PCDHA2: variants seen among roughly 807,000 people sequenced by gnomAD.
PCDHA2 encodes the protein protocadherin alpha 2, also known as protocadherin alpha-2.
A neutral mutation model predicts 66.0 loss-of-function variants in PCDHA2; 58 were observed. That is an observed-to-expected ratio of 0.88 (90% CI 0.71 to 1.09). The LOEUF is 1.09. PCDHA2 is among the 50% of genes least tolerant of loss of function. PCDHA2 has a pLI of 0.00. For synonymous variants in PCDHA2, 634 were observed against 554.0 expected (o/e 1.14, Z -2.03); for missense variants, 1,267 against 1,242.3 (o/e 1.02, Z -0.30).
intron 3 of PCDHA2, among the ~76,000 whole-genome samples, chr5:140,987,901 T>C (rs1554249667): frequency 6.6e-6 from 1 of 152,180 alleles, no homozygotes. Context: ...TAGTTTTATA[T>C]GGGGATTTAT....
chr5:140,859,624 G>A (rs11749013), intron 1 of PCDHA2: 1 of 160,568 alleles, frequency 6.2e-6, no homozygotes, highest in Non-Finnish European at 1.4e-5. Flanking sequence ...TTCTCTTTGA[G>A]TATGGAGATT....
intron 1 of PCDHA2, among the ~76,000 whole-genome samples, chr5:140,932,231 A>G (rs2088135026): frequency 6.6e-6 from 1 of 151,848 alleles, no homozygotes; most frequent in African/African-American, 2.4e-5. Context: ...AATTTTTTAG[A>G]ATGGTATCTA....
At chr5:140,875,375 A>C in intron 1 of PCDHA2, 2 of 1,456,838 alleles carry the variant, frequency 1.4e-6, no homozygotes, top group East Asian at 5.0e-5. Flanking sequence ...AATTTACTAA[A>C]TATGTACTTA....
At chr5:140,834,488 C>T (rs2150219556) in intron 1 of PCDHA2, 20 of 1,614,036 alleles carry the variant, frequency 1.2e-5, no homozygotes, top group East Asian at 6.7e-5. Context: ...ACTACTCGGT[C>T]CCCGAGGAGG....
chr5:140,853,632 CA>C, intron 1 of PCDHA2: 1 of 988,598 alleles, frequency 1.0e-6, no homozygotes, highest in South Asian at 4.7e-5. Flanking sequence ...TACAAGATCA[CA>C]GACCTAAATT....
chr5:140,801,346 A>C, intron 1 of PCDHA2: 5 of 1,613,340 alleles, frequency 3.1e-6, no homozygotes, highest in Non-Finnish European at 4.2e-6. Flanking sequence ...CGCATCGCGC[A>C]GGACCTGGGG....
At chr5:140,975,933 AG>A (rs1216240117) in intron 1 of PCDHA2, among the ~76,000 whole-genome samples, 1 of 152,194 alleles carries the variant, frequency 6.6e-6, no homozygotes, top group Non-Finnish European at 1.5e-5. Flanking sequence ...TAACCTTTGA[AG>A]CAATAGGACA....
At chr5:140,843,304 C>G (rs2150356889) in intron 1 of PCDHA2, 4 of 1,595,876 alleles carry the variant, frequency 2.5e-6, no homozygotes, top group Middle Eastern at 1.7e-4. Context: ...CGCTGACCGC[C>G]ACGGCCACGG....
At chr5:140,842,984 G>C in intron 1 of PCDHA2, 2 of 1,595,034 alleles carry the variant, frequency 1.3e-6, no homozygotes. Flanking sequence ...GCAGGTGTTC[G>C]TGCTGGACGA....
Position 140,796,050 on chromosome 5 carries a change from C to T in PCDHA2, c.1086C>T (p.Asn362=), listed in dbSNP as rs139541416. The T allele has an allele frequency of 3.0e-5, 48 of 1,614,114 alleles. No individual in the cohort carries two copies. The highest frequency in any genetic ancestry group is 3.9e-5 in the Non-Finnish European group (46 of 1,180,050). ...ITSLSLPISE[N]ASLGTVIALI... ...CTCTCTCACTTCCCATCTCAGAGAA[C>T]GCTTCCCTGGGCACTGTCATTGCTC... The change falls in exon 1 of 4, where the codon AAC becomes AAT. Residue 362 remains asparagine, a synonymous_variant. Coordinates refer to ENST00000526136, the MANE Select transcript of PCDHA2 (RefSeq NM_018905.3).
Position 140,868,882 on chromosome 5 carries a change from T to A in PCDHA2, c.2388+71530T>A. On this transcript the variant is annotated intron_variant, in intron 1 of 3. Transcript: ENST00000526136. Reference sequence around the variant, plus strand: ...TAAATGCAGTGCACAGTACTCACAGTTTTAGGCGCAAGGTGTCGCTCTTTA... The same window carrying A: ...TAAATGCAGTGCACAGTACTCACAGATTTAGGCGCAAGGTGTCGCTCTTTA... 4 of 715,192 alleles carry A rather than the reference T, an allele frequency of 5.6e-6. No homozygotes were observed. In the South Asian group the frequency reaches 8.5e-5, roughly 15 times the overall value. 44.3% of individuals were successfully genotyped at this position (715,192 alleles called of 1,614,324 possible).
chr5:140,936,275 T>C (rs1423652397), intron 1 of PCDHA2, among the ~76,000 whole-genome samples: 1 of 152,216 alleles, frequency 6.6e-6, no homozygotes, highest in African/African-American at 2.4e-5. Context: ...TATATTCCTG[T>C]GTTTTCTTCT....
At chr5:140,843,679 C>T (rs2150364894) in intron 1 of PCDHA2, 1 of 1,589,886 alleles carries the variant, frequency 6.3e-7, no homozygotes, top group Non-Finnish European at 8.6e-7. Flanking sequence ...TTGATGTAGG[C>T]GAAGAGCAAG....
chr5:140,907,433 G>A (rs1006736760), intron 1 of PCDHA2, among the ~76,000 whole-genome samples: 5 of 152,246 alleles, frequency 3.3e-5, no homozygotes, highest in Admixed American at 1.3e-4. Context: ...GGCATTCTGT[G>A]AGTCCACAGA....
At chr5:140,854,866 A>G (rs1479587477) in intron 1 of PCDHA2, among the ~76,000 whole-genome samples, 3 of 149,974 alleles carry the variant, frequency 2.0e-5, no homozygotes, top group Non-Finnish European at 4.5e-5. Context: ...GATATATTTC[A>G]GAACTGTGTC....
At chr5:140,992,095 G>T (rs1554252652) in intron 3 of PCDHA2, among the ~76,000 whole-genome samples, 1 of 151,540 alleles carries the variant, frequency 6.6e-6, no homozygotes, top group East Asian at 1.9e-4. Context: ...TAGAGAAAGA[G>T]AATTAAGGTG....
chr5:140,846,589 T>G (rs1780576072), intron 1 of PCDHA2, among the ~76,000 whole-genome samples: 1 of 148,848 alleles, frequency 6.7e-6, no homozygotes, highest in Non-Finnish European at 1.5e-5. Context: ...TTAGCCAGGA[T>G]GGTCTCGATC....
chr5:140,856,458 A>G, intron 1 of PCDHA2: 1 of 1,598,416 alleles, frequency 6.3e-7, no homozygotes, highest in South Asian at 1.1e-5. Context: ...GTAACAGAAC[A>G]AAAGCTCTCA....
rs1341759939 is a variant in PCDHA2, at chr5:140,811,008, CTTA to C, written c.2388+13662_2388+13664del. The C allele has an allele frequency of 5.3e-5, 8 of 152,120 alleles. No homozygotes were observed. In the East Asian group the frequency reaches 1.2e-3, roughly 22 times the overall value. The allele number at this position is 152,120 out of a possible 1,614,324, so 9.4% of individuals were successfully genotyped here. A position where few individuals can be genotyped will look rare whatever the true frequency, so the allele number is the denominator to read the frequency against. On this transcript the variant is annotated intron_variant, in intron 1 of 3. Transcript: ENST00000526136. ...GGGTCAAGATTTATTTTTATTTCTTCTTATTATTTTTATTATACTTTAAGTTCT... is the reference window on the plus strand; with the variant it reads ...GGGTCAAGATTTATTTTTATTTCTTCTTATTTTTATTATACTTTAAGTTCT...
Sources: gnomAD v4.1 joint callset for allele counts (sites outside exome capture counted in the v4.1 genomes callset) on GRCh38, gnomAD v4.1.1 for gene constraint, MANE v1.5 for transcripts, NCBI Gene and HGNC (gene_info 2026-07-23, HGNC 2026-07-21) for gene names.